The following LRMDA variants were observed in gnomAD, a reference collection of about 807,000 sequenced individuals.
LRMDA encodes the protein leucine rich melanocyte differentiation associated, also known as leucine-rich melanocyte differentiation-associated protein.
A neutral mutation model predicts 29.8 loss-of-function variants in LRMDA; 18 were observed. The observed-to-expected ratio is 0.60, with a 90% CI of 0.42 to 0.90. The LOEUF is 0.90. Ranked by LOEUF, LRMDA falls within the 40% of genes least tolerant of loss-of-function variation. The pLI, the probability that LRMDA is intolerant of heterozygous loss-of-function variation, is 0.00. For synonymous variants in LRMDA, 125 were observed against 109.4 expected (o/e 1.14, Z -0.89); for missense variants, 273 against 273.9 (o/e 1.00, Z 0.02).
chr10:76,266,579 CTA>C lies in LRMDA; in HGVS notation c.517-57821_517-57820del, dbSNP rs143057093. Among the ~76,000 whole-genome samples the C allele has an allele frequency of 9.5e-3, 1,439 of 152,206 alleles. 22 individuals are homozygous for C. Among genetic ancestry groups the C allele is most frequent in the African/African-American group, 0.032 (1,334 of 41,524 alleles). ...TATCTCCATTTTTCACAATAGGAAA[CTA>C]AGTACAGAGAAGTAAGAAAAGCGAG... On this transcript the variant is annotated intron_variant, in intron 5 of 6. Transcript: ENST00000611255.
intron 2 of LRMDA, among the ~76,000 whole-genome samples, chr10:75,675,276 G>A (rs1253064054): frequency 6.6e-6 from 1 of 152,160 alleles, no homozygotes; most frequent in Non-Finnish European, 1.5e-5. Context: ...TTTACTAATT[G>A]CTCTTCTCTG....
intron 2 of LRMDA, among the ~76,000 whole-genome samples, chr10:75,634,226 G>A (rs959612447): frequency 6.6e-6 from 1 of 152,148 alleles, no homozygotes; most frequent in African/African-American, 2.4e-5. Flanking sequence ...GGAGATAAGG[G>A]TGGCCATGTC....
intron 2 of LRMDA, among the ~76,000 whole-genome samples, chr10:75,931,714 G>C (rs920592634): frequency 6.6e-6 from 1 of 152,202 alleles, no homozygotes; most frequent in Non-Finnish European, 1.5e-5. Flanking sequence ...AGAGATTCCA[G>C]GCCTACTGAT....
At chr10:76,124,092 C>T (rs1351460901) in intron 5 of LRMDA, among the ~76,000 whole-genome samples, 1 of 152,160 alleles carries the variant, frequency 6.6e-6, no homozygotes, top group Non-Finnish European at 1.5e-5. Context: ...GCCACCTCTC[C>T]CATCGTCTCT....
Position 75,874,183 on chromosome 10 carries a change from A to G in LRMDA, c.132-161825A>G, listed in dbSNP as rs551685037. On this transcript the variant is annotated intron_variant, in intron 2 of 6. Transcript: ENST00000611255. The stretch of plus-strand genomic sequence containing the variant: ...AATTCTGATCAATAAATGTAAGTTA[A>G]TTAAGTAAAAGTCGGGGGAAAGAAG... Among the ~76,000 whole-genome samples the G allele has an allele frequency of 4.6e-5, 7 of 152,328 alleles. No homozygotes were observed. In the South Asian group the frequency reaches 6.2e-4, roughly 14 times the overall value.
intron 6 of LRMDA, among the ~76,000 whole-genome samples, chr10:76,549,828 T>C (rs1189725829): frequency 6.6e-6 from 1 of 152,106 alleles, no homozygotes; most frequent in African/African-American, 2.4e-5. Context: ...ACCACACAAA[T>C]ACATGGGGAG....
At chr10:75,536,610 C>A (rs1475725125) in intron 2 of LRMDA, among the ~76,000 whole-genome samples, 4 of 152,178 alleles carry the variant, frequency 2.6e-5, no homozygotes, top group African/African-American at 9.7e-5. Context: ...GCTGCCCAGG[C>A]TGGAGTGCAG....
In LRMDA at chr10:76,167,711, T is replaced by C. The variant is rs540648416; in HGVS notation, c.516+108928T>C. Among the ~76,000 whole-genome samples, 7 of 152,328 alleles carry C rather than the reference T, an allele frequency of 4.6e-5. No homozygotes were observed. The South Asian group carries it at 1.5e-3, about 32-fold the overall frequency. ...TGATGCCTCCAGCTTTGTTCTTTTT[T>C]GCTTAGGATTCCCTTGGCTATTTGG... On this transcript the variant is annotated intron_variant, in intron 5 of 6. Coordinates refer to ENST00000611255, the MANE Select transcript of LRMDA (RefSeq NM_001305581.2).
rs562064819 is a variant in LRMDA, at chr10:75,534,072, C to T, written c.131+95578C>T. ...TCAATCTTCCTTCTCTTGGCCATTC[C>T]TGGCATCAACAGGCTCTCTTCATGC... On this transcript the variant is annotated intron_variant, in intron 2 of 6. Coordinates refer to ENST00000611255, the MANE Select transcript of LRMDA (RefSeq NM_001305581.2). 7.2e-5 allele frequency among the ~76,000 whole-genome samples: 11 copies of T among 152,278 alleles called. No individual in the cohort carries two copies. In the South Asian group the frequency reaches 2.3e-3, roughly 32 times the overall value.
chr10:76,199,528 C>G (rs1394479011), intron 5 of LRMDA, among the ~76,000 whole-genome samples: 10 of 152,150 alleles, frequency 6.6e-5, no homozygotes, highest in African/African-American at 2.4e-4. Flanking sequence ...CCTTGACACC[C>G]ATGCAGCAAG....
intron 2 of LRMDA, among the ~76,000 whole-genome samples, chr10:75,898,451 T>C (rs1845619317): frequency 6.6e-6 from 1 of 152,146 alleles, no homozygotes; most frequent in African/African-American, 2.4e-5. Context: ...ACCAGCTCTC[T>C]GTCTTCATCT....
At chr10:76,473,985 A>G (rs538447518) in intron 6 of LRMDA, among the ~76,000 whole-genome samples, 1 of 151,686 alleles carries the variant, frequency 6.6e-6, no homozygotes, top group Non-Finnish European at 1.5e-5. Context: ...AATAATCAAG[A>G]CAGTGTGGTA....
At chr10:76,507,944 G>C (rs1276471658) in intron 6 of LRMDA, among the ~76,000 whole-genome samples, 2 of 152,076 alleles carry the variant, frequency 1.3e-5, no homozygotes, top group African/African-American at 4.8e-5. Flanking sequence ...CTCCAGCTTT[G>C]TTCTTTTTGC....
At chr10:75,467,791 T>C (rs567547532) in intron 2 of LRMDA, among the ~76,000 whole-genome samples, 1 of 152,184 alleles carries the variant, frequency 6.6e-6, no homozygotes, top group East Asian at 1.9e-4. Flanking sequence ...TGAAACCCCA[T>C]CTCTACTAAA....
intron 2 of LRMDA, among the ~76,000 whole-genome samples, chr10:75,692,068 G>A (rs1029951783): frequency 5.9e-5 from 9 of 151,648 alleles, no homozygotes; most frequent in African/African-American, 2.2e-4. Flanking sequence ...CATTTGTGGT[G>A]GAATGTGTCT....
intron 6 of LRMDA, among the ~76,000 whole-genome samples, chr10:76,341,503 C>T (rs1225327214): frequency 6.6e-6 from 1 of 152,166 alleles, no homozygotes; most frequent in Non-Finnish European, 1.5e-5. Flanking sequence ...AACATAAACA[C>T]TCATTGTTAT....
chr10:75,533,015 A>T (rs984363696), intron 2 of LRMDA, among the ~76,000 whole-genome samples: 1 of 152,204 alleles, frequency 6.6e-6, no homozygotes, highest in Non-Finnish European at 1.5e-5. Flanking sequence ...GACAGAACAC[A>T]GCCACGTTTG....
At chr10:75,554,760 T>C (rs1471633923) in intron 2 of LRMDA, among the ~76,000 whole-genome samples, 1 of 152,180 alleles carries the variant, frequency 6.6e-6, no homozygotes, top group East Asian at 1.9e-4. Flanking sequence ...AGAGAGAACA[T>C]AGGCAAGTTA....
intron 6 of LRMDA, among the ~76,000 whole-genome samples, chr10:76,415,405 A>G (rs1364333941): frequency 2.0e-5 from 3 of 152,162 alleles, no homozygotes; most frequent in African/African-American, 7.2e-5. Context: ...GAAGTAGCTT[A>G]GTATGGACAC....
Sources: gnomAD v4.1 joint callset for allele counts (sites outside exome capture counted in the v4.1 genomes callset) on GRCh38, gnomAD v4.1.1 for gene constraint, MANE v1.5 for transcripts, NCBI Gene and HGNC (gene_info 2026-07-23, HGNC 2026-07-21) for gene names.